Variants in FOCAD observed in about 807,000 individuals in gnomAD.
FOCAD encodes KIAA1797.
FOCAD carries 198 observed loss-of-function variants against 225.6 expected under a neutral mutation model. The ratio of observed to expected loss-of-function variants is 0.88; its 90% confidence interval spans 0.78 to 0.99. The LOEUF (loss-of-function observed/expected upper bound fraction) is 0.99. Ranked by LOEUF, FOCAD falls within the 50% of genes least tolerant of loss-of-function variation. FOCAD has a pLI of 0.00. For missense variants in FOCAD, 2,713 were observed against 2,123.6 expected (o/e 1.28, Z -5.46); for synonymous variants, 897 against 755.0 (o/e 1.19, Z -3.08).
intron 21 of FOCAD, among the ~76,000 whole-genome samples, chr9:20,899,791 A>AT (rs1057066890): frequency 2.6e-4 from 39 of 151,700 alleles, no homozygotes; most frequent in Non-Finnish European, 2.2e-4. Flanking sequence ...AAAACTTTGG[A>AT]TTTTTTTTGT....
intron 4 of FOCAD, among the ~76,000 whole-genome samples, chr9:20,733,878 A>G (rs758351843): frequency 1.3e-5 from 2 of 152,146 alleles, no homozygotes; most frequent in Non-Finnish European, 2.9e-5. Context: ...ATGCACACCT[A>G]TAGCTCCAGA....
intron 14 of FOCAD, 24 bp from the exon 15 acceptor site, chr9:20,822,965 C>T (rs367794255): frequency 8.1e-5 from 126 of 1,559,202 alleles, no homozygotes; most frequent in Admixed American, 4.3e-5. Context: ...ATTAATTTTG[C>T]TTTTAAACTT....
At chr9:20,807,137 T>C (rs1587246795) in intron 11 of FOCAD, among the ~76,000 whole-genome samples, 1 of 152,338 alleles carries the variant, frequency 6.6e-6, no homozygotes, top group East Asian at 1.9e-4. Flanking sequence ...TTGATGAAAG[T>C]TATGTATTAT....
At chr9:20,980,317 A>G (rs1023022266) in intron 37 of FOCAD, among the ~76,000 whole-genome samples, 1 of 152,172 alleles carries the variant, frequency 6.6e-6, no homozygotes, top group African/African-American at 2.4e-5. Flanking sequence ...AGAGAGCTCT[A>G]TCTATCTGAG....
chr9:20,979,187 G>C (rs1199951785), intron 37 of FOCAD, among the ~76,000 whole-genome samples: 1 of 152,226 alleles, frequency 6.6e-6, no homozygotes, highest in Non-Finnish European at 1.5e-5. Context: ...TTTACCAGTT[G>C]ATGTAAGTTA....
upstream of FOCAD, among the ~76,000 whole-genome samples, chr9:20,682,672 G>T (rs1447585261): frequency 1.3e-5 from 2 of 152,166 alleles, no homozygotes; most frequent in African/African-American, 2.4e-5. Flanking sequence ...GACTGAAAGA[G>T]AGTATCATCA....
intron 8 of FOCAD, among the ~76,000 whole-genome samples, chr9:20,773,605 A>G (rs1818452609): frequency 6.6e-6 from 1 of 152,172 alleles, no homozygotes; most frequent in Non-Finnish European, 1.5e-5. Context: ...TTTTCCCCTG[A>G]CTATTCAGAC....
chr9:20,958,671 C>T (rs1204733147), intron 35 of FOCAD, among the ~76,000 whole-genome samples: 1 of 152,114 alleles, frequency 6.6e-6, no homozygotes, highest in Non-Finnish European at 1.5e-5. Context: ...TAACAAGTCT[C>T]TCCTTGTCTC....
rs1448585149 is a variant in FOCAD, at chr9:20,798,590, C to G, written c.1455+8982C>G. ...TTTAGTCTTGGGAGGATGTATGTGT[C>G]GAGGAATTTATCCATTTCTTCTAGA... On this transcript the variant is annotated intron_variant, in intron 11 of 43. Transcript: ENST00000338382. Among the ~76,000 whole-genome samples, 14 of 152,082 alleles carry G rather than the reference C, an allele frequency of 9.2e-5. No homozygotes were observed. The East Asian group carries it at 2.5e-3, about 27-fold the overall frequency.
chr9:20,720,283 A>T, intron 3 of FOCAD, 97 bp from the exon 4 acceptor site: 3 of 1,177,438 alleles, frequency 2.5e-6, no homozygotes, highest in East Asian at 2.4e-5. Flanking sequence ...AAGCTAGCCT[A>T]CTGTGAACAA....
intron 30 of FOCAD, among the ~76,000 whole-genome samples, chr9:20,947,656 T>G (rs1473433659): frequency 6.6e-6 from 1 of 152,182 alleles, no homozygotes; most frequent in Non-Finnish European, 1.5e-5. Flanking sequence ...TAAGTGTACA[T>G]TAATACAATT....
At chr9:20,718,871 G>A (rs1586932566) in intron 3 of FOCAD, among the ~76,000 whole-genome samples, 2 of 152,204 alleles carry the variant, frequency 1.3e-5, no homozygotes, top group South Asian at 2.1e-4. Flanking sequence ...TGTTTTTCCG[G>A]TGTAATAATA....
chr9:20,855,392 G>GT (rs1564075683), intron 15 of FOCAD, among the ~76,000 whole-genome samples: 1 of 151,304 alleles, frequency 6.6e-6, no homozygotes, highest in Admixed American at 6.6e-5. Context: ...CATGTTAAGT[G>GT]TTTTTTCCTT....
intron 1 of FOCAD, among the ~76,000 whole-genome samples, chr9:20,686,899 A>G (rs370932730): frequency 2.0e-5 from 3 of 152,294 alleles, no homozygotes; most frequent in African/African-American, 7.2e-5. Flanking sequence ...ATGATTTGAA[A>G]CAACAAAGTT....
chr9:20,964,033 G>T (rs1370035934), intron 35 of FOCAD, among the ~76,000 whole-genome samples: 1 of 152,086 alleles, frequency 6.6e-6, no homozygotes, highest in Admixed American at 6.5e-5. Flanking sequence ...GTTTATAAAT[G>T]TATTTACTTT....
At position 20,885,436 on chromosome 9, in the gene FOCAD, C is replaced by T. The variant is rs531529198; in HGVS notation, c.2625+206C>T. The T allele has an allele frequency of 2.9e-5, 9 of 315,232 alleles. No individual in the cohort carries two copies. The East Asian group carries it at 4.3e-4, about 15-fold the overall frequency. 19.5% of individuals were successfully genotyped at this position (315,232 alleles called of 1,614,324 possible). ...TGCCATGTTTTCCCCCACTGCCCAG[C>T]GTATTTATTAGGGAGTAATGTCTAG... On this transcript the variant is annotated intron_variant, in intron 21 of 43. Coordinates refer to ENST00000338382, the MANE Select transcript of FOCAD (RefSeq NM_001375567.1).
In FOCAD at chr9:20,874,558, T is replaced by G. The variant is rs566039665; in HGVS notation, c.2191-123T>G. 67 of 921,032 alleles carry G rather than the reference T, an allele frequency of 7.3e-5. No homozygotes were observed. The African/African-American group carries it at 8.8e-4, about 12-fold the overall frequency. The allele number at this position is 921,032 out of a possible 1,614,324, so 57.1% of individuals were successfully genotyped here. A position where few individuals can be genotyped will look rare whatever the true frequency, so the allele number is the denominator to read the frequency against. On this transcript the variant is annotated intron_variant, in intron 18 of 43. Transcript: ENST00000338382. ...TAAAAAATTAATTTCAGTGGTCTTT[T>G]ATGTTATAGAGTGATGGAGTCTAAC... is the stretch of plus-strand genomic sequence containing the variant.
At chr9:20,945,582 G>T (rs1035994188) in intron 29 of FOCAD, among the ~76,000 whole-genome samples, 1 of 152,180 alleles carries the variant, frequency 6.6e-6, no homozygotes, top group African/African-American at 2.4e-5. Flanking sequence ...ATGAAGTTTT[G>T]TTCTAAGACA....
intron 35 of FOCAD, among the ~76,000 whole-genome samples, chr9:20,964,218 T>C (rs1251568995): frequency 6.6e-6 from 1 of 151,844 alleles, no homozygotes; most frequent in Non-Finnish European, 1.5e-5. Context: ...ATACAAAAAA[T>C]TAGCCAGGTA....
Sources: allele counts gnomAD v4.1 joint callset (sites outside exome capture counted in the v4.1 genomes callset), GRCh38; gene constraint gnomAD v4.1.1; transcripts MANE v1.5; gene names NCBI Gene and HGNC (gene_info 2026-07-23, HGNC 2026-07-21).